ROR2: variants seen among roughly 807,000 people sequenced by gnomAD.
ROR2 encodes tyrosine-protein kinase transmembrane receptor ROR2.
A neutral mutation model predicts 74.9 loss-of-function variants in ROR2; 33 were observed. That is an observed-to-expected ratio of 0.44 (90% confidence interval 0.33 to 0.59). ROR2 has a LOEUF of 0.59. Among genes scored for constraint, ROR2 ranks in the 20% least tolerant of loss-of-function variants. The pLI, the probability that ROR2 is intolerant of heterozygous loss-of-function variation, is 0.02. For missense variants in ROR2, 1,216 were observed against 1,313.8 expected (o/e 0.93, Z 1.15); for synonymous variants, 586 against 558.7 (o/e 1.05, Z -0.69).
intron 1 of ROR2, among the ~76,000 whole-genome samples, chr9:91,940,947 A>T (rs913620974): frequency 6.8e-6 from 1 of 147,074 alleles, no homozygotes; most frequent in Non-Finnish European, 1.5e-5. Flanking sequence ...TCCATTGTTC[A>T]TTGCACTGGC....
At chr9:91,774,724 G>A (rs1826361630) in intron 2 of ROR2, among the ~76,000 whole-genome samples, 1 of 152,198 alleles carries the variant, frequency 6.6e-6, no homozygotes, top group Non-Finnish European at 1.5e-5. Flanking sequence ...CTATGTGTGA[G>A]AAAACAGGAA....
At chr9:91,930,437 G>T (rs761614372) in intron 1 of ROR2, among the ~76,000 whole-genome samples, 3 of 151,914 alleles carry the variant, frequency 2.0e-5, no homozygotes, top group Non-Finnish European at 4.4e-5. Flanking sequence ...ATAGGAGAAG[G>T]AAACAGAAAC....
intron 1 of ROR2, among the ~76,000 whole-genome samples, chr9:91,878,032 C>A (rs1342654265): frequency 6.6e-6 from 1 of 151,764 alleles, no homozygotes; most frequent in Non-Finnish European, 1.5e-5. Context: ...AACAAGATTT[C>A]CAGAGTGTTC....
intron 1 of ROR2, among the ~76,000 whole-genome samples, chr9:91,796,424 C>A (rs1422070068): frequency 1.4e-5 from 2 of 141,050 alleles, no homozygotes; most frequent in Non-Finnish European, 3.0e-5. Context: ...CAGAGTGAGA[C>A]CTTGTCCCAA....
chr9:91,808,645 T>C (rs1007627490), intron 1 of ROR2, among the ~76,000 whole-genome samples: 11 of 147,824 alleles, frequency 7.4e-5, no homozygotes, highest in Admixed American at 6.8e-4. Context: ...TAAATTATCA[T>C]GCATTGTAAG....
chr9:91,801,331 T>G (rs1258081841), intron 1 of ROR2, among the ~76,000 whole-genome samples: 1 of 152,096 alleles, frequency 6.6e-6, no homozygotes, highest in Non-Finnish European at 1.5e-5. Flanking sequence ...TTTGCACGCT[T>G]TTTTATTTTA....
chr9:91,772,444 C>A (rs1189834937), intron 2 of ROR2, among the ~76,000 whole-genome samples: 4 of 152,214 alleles, frequency 2.6e-5, no homozygotes, highest in South Asian at 2.1e-4. Flanking sequence ...GCCCAAGGCC[C>A]TGACCCCAGG....
At chr9:91,865,275 C>T (rs1446003051) in intron 1 of ROR2, among the ~76,000 whole-genome samples, 3 of 152,172 alleles carry the variant, frequency 2.0e-5, no homozygotes, top group Non-Finnish European at 4.4e-5. Context: ...GCTCTTCACT[C>T]GGTTACAGTG....
At chr9:91,822,071 C>T (rs1431408471) in intron 1 of ROR2, among the ~76,000 whole-genome samples, 2 of 152,150 alleles carry the variant, frequency 1.3e-5, no homozygotes, top group Non-Finnish European at 2.9e-5. Flanking sequence ...ATTGTAAACA[C>T]GGCAGTTGAC....
At chr9:91,912,110 CA>C (rs1831007613) in intron 1 of ROR2, among the ~76,000 whole-genome samples, 2 of 151,788 alleles carry the variant, frequency 1.3e-5, no homozygotes, top group Non-Finnish European at 2.9e-5. Flanking sequence ...GATCCTGGAT[CA>C]CACAAAACAG....
chr9:91,755,606 G>A (rs911111008), intron 4 of ROR2, among the ~76,000 whole-genome samples: 1 of 152,250 alleles, frequency 6.6e-6, no homozygotes, highest in Non-Finnish European at 1.5e-5. Context: ...GCCTGGCTGT[G>A]AGCCTCGGTC....
intron 1 of ROR2, among the ~76,000 whole-genome samples, chr9:91,879,325 G>C (rs1325814905): frequency 1.3e-5 from 2 of 152,186 alleles, no homozygotes; most frequent in Non-Finnish European, 2.9e-5. Flanking sequence ...GTTAAAGACA[G>C]AGGACAAGCA....
chr9:91,883,094 G>A (rs567679221), intron 1 of ROR2, among the ~76,000 whole-genome samples: 3 of 152,218 alleles, frequency 2.0e-5, no homozygotes, highest in East Asian at 3.9e-4. Flanking sequence ...TTCAGATTTC[G>A]GATTTTTGGA....
intron 1 of ROR2, among the ~76,000 whole-genome samples, chr9:91,904,056 G>T (rs916216891): frequency 7.3e-5 from 11 of 151,300 alleles, no homozygotes; most frequent in South Asian, 2.1e-4. Context: ...TTTTTTGGGG[G>T]GGGGGACAGA....
intron 4 of ROR2, among the ~76,000 whole-genome samples, chr9:91,745,172 G>C (rs4401931): frequency 0.78 from 117,582 of 151,610 alleles, 45,689 homozygotes; most frequent in African/African-American, 0.84. Context: ...TTTGCCCAGG[G>C]TAGAATGCAG....
At chr9:91,832,608 G>C (rs1789275082) in intron 1 of ROR2, among the ~76,000 whole-genome samples, 1 of 152,106 alleles carries the variant, frequency 6.6e-6, no homozygotes, top group Admixed American at 6.6e-5. Context: ...TTCTGAGAAA[G>C]AGGAAACTCC....
At chr9:91,728,277 C>T (rs1837111291) in intron 7 of ROR2, among the ~76,000 whole-genome samples, 2 of 152,190 alleles carry the variant, frequency 1.3e-5, no homozygotes, top group East Asian at 1.9e-4. Context: ...GGTTAAGTTT[C>T]GTGTTCTCCT....
chr9:91,819,653 T>TGTGTGTCTTTCA (rs1554679201), intron 1 of ROR2, among the ~76,000 whole-genome samples: 1 of 150,002 alleles, frequency 6.7e-6, no homozygotes, highest in Non-Finnish European at 1.5e-5. Context: ...CTGTGTTCTC[T>TGTGTGTCTTTCA]GTGTCTGTGT....
intron 1 of ROR2, among the ~76,000 whole-genome samples, chr9:91,940,995 CTTTTTTT>C (rs11321454): frequency 1.8e-5 from 2 of 110,742 alleles, no homozygotes; most frequent in Admixed American, 9.9e-5. Context: ...ATTTTTAATT[CTTTTTTT>C]TTTTTTTTTT....
Sources: gnomAD v4.1 joint callset for allele counts (sites outside exome capture counted in the v4.1 genomes callset) on GRCh38, gnomAD v4.1.1 for gene constraint, MANE v1.5 for transcripts, NCBI Gene and HGNC (gene_info 2026-07-23, HGNC 2026-07-21) for gene names.